RYR3: variants seen among roughly 807,000 people sequenced by gnomAD.
RYR3 encodes the protein brain ryanodine receptor-calcium release channel.
A neutral mutation model predicts 584.3 loss-of-function variants in RYR3; 207 were observed. The ratio of observed to expected loss-of-function variants is 0.35; its 90% confidence interval spans 0.32 to 0.40. The LOEUF (loss-of-function observed/expected upper bound fraction) is 0.40, where lower values mean the gene tolerates loss of function less well. Among genes scored for constraint, RYR3 ranks in the 10% least tolerant of loss-of-function variants. The pLI, the probability that RYR3 is intolerant of heterozygous loss-of-function variation, is 1.00. For synonymous variants in RYR3, 2,416 were observed against 2,248.5 expected (o/e 1.07, Z -2.11); for missense variants, 5,616 against 6,089.2 (o/e 0.92, Z 2.59).
rs1026933055 is a variant in RYR3, at chr15:33,352,040, A to C, written c.51+40944A>C. Among the ~76,000 whole-genome samples, 12 of 152,134 alleles carry C rather than the reference A, an allele frequency of 7.9e-5. No homozygotes were observed. The East Asian group carries it at 1.2e-3, about 15-fold the overall frequency. On this transcript the variant is annotated intron_variant, in intron 1 of 103. Coordinates refer to ENST00000634891, the MANE Select transcript of RYR3 (RefSeq NM_001036.6). ...TCTCAGCCCAAAATCTCCTTAAGCT[A>C]ATAAGCAACTTCAGCAAAGTCTCAG...
intron 31 of RYR3, among the ~76,000 whole-genome samples, chr15:33,652,099 A>G (rs748399755): frequency 3.3e-5 from 5 of 152,180 alleles, no homozygotes; most frequent in African/African-American, 1.2e-4. Context: ...AAGCTAAGCA[A>G]GGCACCTAAG....
rs1001320986 is a variant in RYR3, at chr15:33,412,129, C to T, written c.52-61290C>T. 2.0e-5 allele frequency among the ~76,000 whole-genome samples: 3 copies of T among 152,192 alleles called. No individual in the cohort carries two copies. Among genetic ancestry groups the T allele is most frequent in the Non-Finnish European group, 1.5e-5 (1 of 68,018 alleles). ...TAGTTACTGAGAATAACTACTTAGG[C>T]GAGTAAGAGATTATAAATATTATCA... On this transcript the variant is annotated intron_variant, in intron 1 of 103. Transcript: ENST00000634891. The surrounding 1 kb of genome is among the most constrained non-coding windows in gnomAD (Gnocchi z 4.3).
chr15:33,863,482 G>A (rs77327859), intron 102 of RYR3, among the ~76,000 whole-genome samples: 12 of 151,982 alleles, frequency 7.9e-5, no homozygotes, highest in Admixed American at 6.6e-4. Context: ...ATCCTTTTCC[G>A]GAAGGGCAAG....
At chr15:33,716,224 C>A (rs538038114) in intron 43 of RYR3, among the ~76,000 whole-genome samples, 13 of 152,212 alleles carry the variant, frequency 8.5e-5, no homozygotes, top group Middle Eastern at 3.2e-3. Flanking sequence ...AATTAAACCT[C>A]TTTTCTTTAT....
chr15:33,810,450 T>G, intron 70 of RYR3, 29 bp from the exon 71 acceptor site: 7 of 1,612,340 alleles, frequency 4.3e-6, no homozygotes, highest in Non-Finnish European at 5.9e-6. Flanking sequence ...ACTGAACCCC[T>G]CTCTGTTTAT....
At chr15:33,585,585 A>T (rs1221021521) in intron 15 of RYR3, among the ~76,000 whole-genome samples, 1 of 152,250 alleles carries the variant, frequency 6.6e-6, no homozygotes, top group African/African-American at 2.4e-5. Context: ...AGAAACTCAG[A>T]ATATTTTCCA....
chr15:33,484,459 T>C (rs1367568563), intron 2 of RYR3, among the ~76,000 whole-genome samples: 1 of 152,150 alleles, frequency 6.6e-6, no homozygotes, highest in Non-Finnish European at 1.5e-5. Context: ...TTTTGGCATA[T>C]GCAAAAGAAA....
intron 2 of RYR3, among the ~76,000 whole-genome samples, chr15:33,477,908 A>C (rs867784658): frequency 7.8e-6 from 1 of 128,942 alleles, no homozygotes; most frequent in Non-Finnish European, 1.6e-5. Context: ...AAAAAAAAAG[A>C]CTAGGGGCTA....
intron 30 of RYR3, 130 bp downstream of exon 30, chr15:33,647,590 T>C: frequency 1.5e-6 from 1 of 648,426 alleles, no homozygotes; most frequent in Non-Finnish European, 2.7e-6. Context: ...TTAATATCCA[T>C]CTTGATGCTT....
At chr15:33,802,260 A>T (rs1226947756) in intron 69 of RYR3, among the ~76,000 whole-genome samples, 3 of 152,244 alleles carry the variant, frequency 2.0e-5, no homozygotes, top group Admixed American at 2.0e-4. Context: ...ATTTTAAAAT[A>T]GAACTTCTTC....
intron 1 of RYR3, among the ~76,000 whole-genome samples, chr15:33,422,657 GA>G (rs1407815788): frequency 2.0e-5 from 3 of 152,050 alleles, no homozygotes; most frequent in African/African-American, 7.2e-5. Context: ...AGAGAGAGAG[GA>G]GAGAACCTCG....
chr15:33,482,823 T>C (rs555672091), intron 2 of RYR3, among the ~76,000 whole-genome samples: 3 of 152,304 alleles, frequency 2.0e-5, no homozygotes, highest in African/African-American at 7.2e-5. Flanking sequence ...GTTGTTGTTT[T>C]TCATTAAGTA....
chr15:33,353,447 G>A (rs1166524876), intron 1 of RYR3, among the ~76,000 whole-genome samples: 1 of 152,150 alleles, frequency 6.6e-6, no homozygotes, highest in East Asian at 1.9e-4. Flanking sequence ...TGGAGTTGGG[G>A]AGAAGGCATC....
At chr15:33,661,558 G>A (rs962245891) in intron 34 of RYR3, among the ~76,000 whole-genome samples, 8 of 152,148 alleles carry the variant, frequency 5.3e-5, no homozygotes, top group African/African-American at 1.9e-4. Flanking sequence ...TGAGGCTGGG[G>A]GAGGGGGTAG....
intron 87 of RYR3, 76 bp downstream of exon 87, chr15:33,835,148 G>A (rs941425526): frequency 1.8e-6 from 2 of 1,124,906 alleles, no homozygotes; most frequent in African/African-American, 3.1e-5. Context: ...TGTTCCCATT[G>A]TGATGTGGCT....
At chr15:33,561,282 T>C (rs565242148) in intron 10 of RYR3, among the ~76,000 whole-genome samples, 1 of 152,316 alleles carries the variant, frequency 6.6e-6, no homozygotes, top group African/African-American at 2.4e-5. Context: ...AAGTGCCCAA[T>C]AAAGCAATTA....
intron 43 of RYR3, chr15:33,722,364 G>A (rs965356011): frequency 7.6e-6 from 2 of 263,078 alleles, no homozygotes; most frequent in Non-Finnish European, 1.4e-5. Flanking sequence ...ACAAAATCCT[G>A]AGCCGAAGAG....
chr15:33,399,106 A>T (rs1376536128), intron 1 of RYR3, among the ~76,000 whole-genome samples: 4 of 152,154 alleles, frequency 2.6e-5, no homozygotes, highest in Non-Finnish European at 5.9e-5. Context: ...AGGCTTAAGA[A>T]TCCATCACAC....
At chr15:33,774,713 C>A (rs906113093) in intron 64 of RYR3, among the ~76,000 whole-genome samples, 1 of 152,112 alleles carries the variant, frequency 6.6e-6, no homozygotes, top group Non-Finnish European at 1.5e-5. Flanking sequence ...GATTTTAAGT[C>A]TTTAACAGTT....
Sources: gnomAD v4.1 joint callset for allele counts (sites outside exome capture counted in the v4.1 genomes callset) on GRCh38, gnomAD v4.1.1 for gene constraint, Gnocchi (gnomAD v3.1) non-coding constraint, MANE v1.5 for transcripts, NCBI Gene and HGNC (gene_info 2026-07-23, HGNC 2026-07-21) for gene names.